The following NLGN1 variants were observed in gnomAD, a reference collection of about 807,000 sequenced individuals.
The protein encoded by NLGN1 is neuroligin-1.
NLGN1 carries 12 observed loss-of-function variants against 65.5 expected under a neutral mutation model. The ratio of observed to expected loss-of-function variants is 0.18; its 90% CI spans 0.12 to 0.30. NLGN1 has a LOEUF of 0.30. Ranked by LOEUF, NLGN1 falls within the 10% of genes least tolerant of loss-of-function variation. The pLI, the probability that NLGN1 is intolerant of heterozygous loss-of-function variation, is 1.00. For synonymous variants in NLGN1, 350 were observed against 359.5 expected, an observed-to-expected ratio of 0.97 and a Z score of 0.30; for missense variants, 750 against 1,007.1, an observed-to-expected ratio of 0.74 and a Z score of 3.46.
At chr3:173,910,464 C>G (rs1739362634) in intron 4 of NLGN1, 1 of 152,116 alleles carries the variant, frequency 6.6e-6, no homozygotes. Flanking sequence ...TGAAGTTTTG[C>G]TACCATTTTA....
At chr3:174,242,107 A>T (rs1295483698) in intron 4 of NLGN1, among the ~76,000 whole-genome samples, 1 of 152,120 alleles carries the variant, frequency 6.6e-6, no homozygotes, top group Admixed American at 6.5e-5. Flanking sequence ...TCAAATTAAG[A>T]CCCTACTACT....
chr3:173,785,874 T>A (rs1261429272), intron 3 of NLGN1, among the ~76,000 whole-genome samples: 1 of 152,150 alleles, frequency 6.6e-6, no homozygotes, highest in Non-Finnish European at 1.5e-5. Context: ...CTGTTGTGCC[T>A]CATAGCTAAG....
chr3:173,922,135 C>G (rs1742137916), intron 4 of NLGN1, among the ~76,000 whole-genome samples: 1 of 152,040 alleles, frequency 6.6e-6, no homozygotes, highest in African/African-American at 2.4e-5. Flanking sequence ...AATACAACTG[C>G]ACATATTAAC....
At chr3:174,128,949 C>T (rs1287850183) in intron 4 of NLGN1, among the ~76,000 whole-genome samples, 1 of 152,100 alleles carries the variant, frequency 6.6e-6, no homozygotes, top group African/African-American at 2.4e-5. Context: ...AGAAATTTCT[C>T]ATCAGAATGC....
intron 4 of NLGN1, among the ~76,000 whole-genome samples, chr3:174,139,566 A>T (rs759302877): frequency 2.0e-5 from 3 of 152,120 alleles, no homozygotes; most frequent in Non-Finnish European, 4.4e-5. Flanking sequence ...ATGAATAAAG[A>T]TACTATATCT....
intron 3 of NLGN1, among the ~76,000 whole-genome samples, chr3:173,645,561 A>G (rs115772713): frequency 0.011 from 1,648 of 152,338 alleles, 35 homozygotes; most frequent in African/African-American, 0.037. Flanking sequence ...ATGCCCTTCA[A>G]TGCACAGTCA....
intron 4 of NLGN1, among the ~76,000 whole-genome samples, chr3:174,030,657 T>C (rs754327602): frequency 3.3e-5 from 5 of 152,196 alleles, no homozygotes; most frequent in Non-Finnish European, 5.9e-5. Flanking sequence ...ATAACAGTAA[T>C]GGGATATTTA....
chr3:174,286,787 C>T (rs538159523), downstream of NLGN1: 3 of 151,524 alleles, frequency 2.0e-5, no homozygotes, highest in South Asian at 2.1e-4. Context: ...GAAACAATGA[C>T]ATTTTATGAT....
intron 3 of NLGN1, among the ~76,000 whole-genome samples, chr3:173,708,123 A>G (rs1243489565): frequency 1.3e-5 from 2 of 152,212 alleles, no homozygotes; most frequent in Non-Finnish European, 2.9e-5. Flanking sequence ...AGTTCTAATC[A>G]TATATAGTCC....
intron 4 of NLGN1, among the ~76,000 whole-genome samples, chr3:173,873,201 G>A (rs1377468574): frequency 6.6e-6 from 1 of 151,434 alleles, no homozygotes; most frequent in African/African-American, 2.4e-5. Flanking sequence ...TGATTCTCAT[G>A]CCTCAGCCTC....
At chr3:173,599,039 G>C (rs1259436556) in intron 2 of NLGN1, among the ~76,000 whole-genome samples, 1 of 152,132 alleles carries the variant, frequency 6.6e-6, no homozygotes, top group Non-Finnish European at 1.5e-5. Flanking sequence ...GACCAACAGT[G>C]TTTGTCCAGA....
In NLGN1 at chr3:173,551,965, C is replaced by T. The variant is rs557528012; in HGVS notation, c.-320-52314C>T. 2.0e-4 allele frequency among the ~76,000 whole-genome samples: 31 copies of T among 152,244 alleles called. No homozygotes were observed. In the South Asian group the frequency reaches 6.4e-3, roughly 32 times the overall value. On this transcript the variant is annotated intron_variant, in intron 2 of 6. Transcript: ENST00000457714. Reference sequence around the variant, plus strand: ...GTAAATAGTAGGAAACTAAGTAAAACAAATATATCAAAAGTGATAGAAAAT... The same window carrying T: ...GTAAATAGTAGGAAACTAAGTAAAATAAATATATCAAAAGTGATAGAAAAT...
chr3:173,451,900 C>A (rs1721617198), intron 2 of NLGN1, among the ~76,000 whole-genome samples: 1 of 152,200 alleles, frequency 6.6e-6, no homozygotes, highest in African/African-American at 2.4e-5. Flanking sequence ...TTGTTAAGCC[C>A]ATTGGAAAAG....
At chr3:174,106,261 A>G (rs1416878916) in intron 4 of NLGN1, among the ~76,000 whole-genome samples, 1 of 152,124 alleles carries the variant, frequency 6.6e-6, no homozygotes, top group Non-Finnish European at 1.5e-5. Context: ...TTCTCCAAGA[A>G]TATAGCATTA....
intron 2 of NLGN1, among the ~76,000 whole-genome samples, chr3:173,441,406 C>T (rs925631317): frequency 2.6e-5 from 4 of 152,260 alleles, no homozygotes; most frequent in East Asian, 3.9e-4. Flanking sequence ...CCCTTCCTCA[C>T]CAAACTTAAG....
Position 174,094,078 on chromosome 3 carries a change from C to T in NLGN1, c.647-181237C>T, listed in dbSNP as rs114023040. ...GTAAAAATCTATATACCGTAGTGTG[C>T]TGTATAGTATAGACTAGATTTAAAG... is the stretch of plus-strand genomic sequence containing the variant. On this transcript the variant is annotated intron_variant, in intron 4 of 6. Coordinates refer to ENST00000457714, the Ensembl canonical transcript of NLGN1. Among the ~76,000 whole-genome samples the T allele has an allele frequency of 6.1e-3, 930 of 152,136 alleles. 23 individuals carry two copies. Among genetic ancestry groups the T allele is most frequent in the East Asian group, 0.037 (192 of 5,180 alleles).
intron 2 of NLGN1, among the ~76,000 whole-genome samples, chr3:173,465,583 C>T (rs1403707964): frequency 2.6e-5 from 4 of 151,932 alleles, no homozygotes; most frequent in African/African-American, 4.8e-5. Flanking sequence ...GAATGAACAT[C>T]GGAAAATAAT....
At chr3:173,488,187 A>G (rs1017700527) in intron 2 of NLGN1, among the ~76,000 whole-genome samples, 4 of 151,894 alleles carry the variant, frequency 2.6e-5, no homozygotes, top group Non-Finnish European at 5.9e-5. Context: ...TTCTTTTCTA[A>G]AGTATAAGAA....
At chr3:173,993,851 A>G (rs1317351585) in intron 4 of NLGN1, among the ~76,000 whole-genome samples, 2 of 151,980 alleles carry the variant, frequency 1.3e-5, no homozygotes, top group Non-Finnish European at 2.9e-5. Flanking sequence ...AACAAAATGT[A>G]TACATACATG....
Sources: gnomAD v4.1 joint callset for allele counts (sites outside exome capture counted in the v4.1 genomes callset) on GRCh38, gnomAD v4.1.1 for gene constraint, MANE v1.5 for transcripts, NCBI Gene and HGNC (gene_info 2026-07-23, HGNC 2026-07-21) for gene names.